Variants in KDM4C observed in about 807,000 individuals in gnomAD.
KDM4C encodes lysine-specific demethylase 4C.
A neutral mutation model predicts 129.3 loss-of-function variants in KDM4C; 81 were observed. The ratio of observed to expected loss-of-function variants is 0.63; its 90% CI spans 0.52 to 0.75. The LOEUF is 0.75. Ranked by LOEUF, KDM4C falls within the 30% of genes least tolerant of loss-of-function variation. The pLI is 0.00. For synonymous variants in KDM4C, 573 were observed against 456.1 expected, an observed-to-expected ratio of 1.26 and a Z score of -3.26; for missense variants, 1,457 against 1,304.0, an observed-to-expected ratio of 1.12 and a Z score of -1.81.
At chr9:6,966,811 A>G (rs1831058211) in intron 8 of KDM4C, among the ~76,000 whole-genome samples, 1 of 152,220 alleles carries the variant, frequency 6.6e-6, no homozygotes, top group African/African-American at 2.4e-5. Flanking sequence ...CTTAGACCTG[A>G]CAGAGAAAAT....
chr9:7,089,291 T>C (rs959716187), intron 17 of KDM4C, among the ~76,000 whole-genome samples: 1 of 152,158 alleles, frequency 6.6e-6, no homozygotes, highest in African/African-American at 2.4e-5. Flanking sequence ...TGTTCCTCCA[T>C]AGCACATGTA....
intron 18 of KDM4C, among the ~76,000 whole-genome samples, chr9:7,115,231 A>G (rs1838766723): frequency 6.6e-6 from 1 of 152,188 alleles, no homozygotes; most frequent in African/African-American, 2.4e-5. Flanking sequence ...TTTCGTAGAT[A>G]AGGTGTATTT....
intron 8 of KDM4C, among the ~76,000 whole-genome samples, chr9:6,965,547 C>T (rs960048799): frequency 6.6e-6 from 1 of 152,156 alleles, no homozygotes; most frequent in Non-Finnish European, 1.5e-5. Context: ...TGAGAAACCT[C>T]AAGACTCTGC....
At chr9:6,853,352 C>G (rs531711418) in intron 5 of KDM4C, among the ~76,000 whole-genome samples, 1 of 151,904 alleles carries the variant, frequency 6.6e-6, no homozygotes, top group Admixed American at 6.5e-5. Context: ...ATTAGCCGGT[C>G]ATAGTGGCTC....
chr9:6,758,196 C>T lies in KDM4C; in HGVS notation c.-25C>T, dbSNP rs1379426141. The T allele has an allele frequency of 3.0e-6, 3 of 985,834 alleles. No individual in the cohort carries two copies. The highest frequency in any genetic ancestry group is 6.1e-5 in the Admixed American group (1 of 16,280). 61.1% of individuals were successfully genotyped at this position (985,834 alleles called of 1,614,324 possible). A position where few individuals can be genotyped will look rare whatever the true frequency, so the allele number is the denominator to read the frequency against. ...CGAGTCGTGCTCTCGCCCCAACCCG[C>T]GCGCCAGGTAACCGCTTTTCCGGAG... On this transcript the variant is annotated 5_prime_UTR_variant, in exon 1 of 22. Coordinates refer to ENST00000381309, the MANE Select transcript of KDM4C (RefSeq NM_015061.6). This position sits in a 1 kb window ranked among gnomAD's most constrained non-coding sequence, Gnocchi z 4.6.
upstream of KDM4C, among the ~76,000 whole-genome samples, chr9:6,753,626 T>C (rs1429095621): frequency 6.6e-6 from 1 of 152,022 alleles, no homozygotes; most frequent in Non-Finnish European, 1.5e-5. Flanking sequence ...TTCTAGAAGC[T>C]AGAAAGTCCA....
intron 17 of KDM4C, among the ~76,000 whole-genome samples, chr9:7,098,206 T>C (rs1836674045): frequency 6.6e-6 from 1 of 152,256 alleles, no homozygotes; most frequent in Admixed American, 6.5e-5. Context: ...TTATTTTGAA[T>C]ACATGTAACC....
At chr9:7,086,426 C>T (rs903547522) in intron 17 of KDM4C, among the ~76,000 whole-genome samples, 3 of 152,162 alleles carry the variant, frequency 2.0e-5, no homozygotes, top group African/African-American at 4.8e-5. Context: ...ACACTTTATG[C>T]TGTGTTTCTC....
upstream of KDM4C, among the ~76,000 whole-genome samples, chr9:6,756,005 C>T (rs1818247689): frequency 6.6e-6 from 1 of 152,192 alleles, no homozygotes; most frequent in Admixed American, 6.6e-5. Flanking sequence ...AAAAAAAAGT[C>T]ATACTCTAAT....
intron 1 of KDM4C, among the ~76,000 whole-genome samples, chr9:6,777,937 C>G (rs1743594230): frequency 6.8e-6 from 1 of 147,328 alleles, no homozygotes; most frequent in South Asian, 2.1e-4. Context: ...TTTTTCTCCC[C>G]ATAAAGACAG....
chr9:7,097,352 C>G (rs1276416181), intron 17 of KDM4C, among the ~76,000 whole-genome samples: 4 of 152,190 alleles, frequency 2.6e-5, no homozygotes, highest in Non-Finnish European at 4.4e-5. Flanking sequence ...GAGAGAAACC[C>G]TGTTTTTGCT....
intron 19 of KDM4C, among the ~76,000 whole-genome samples, chr9:7,133,665 G>T (rs578258406): frequency 3.9e-5 from 6 of 152,178 alleles, no homozygotes; most frequent in African/African-American, 1.4e-4. Flanking sequence ...TGCAGCTGAG[G>T]TAGAAGACGC....
intron 5 of KDM4C, among the ~76,000 whole-genome samples, chr9:6,852,451 A>T (rs1374008741): frequency 2.6e-5 from 4 of 152,178 alleles, no homozygotes; most frequent in African/African-American, 9.6e-5. Flanking sequence ...AGTCATTCTG[A>T]TTCTGTGACT....
At chr9:6,875,191 G>A (rs1427080454) in intron 5 of KDM4C, among the ~76,000 whole-genome samples, 2 of 152,146 alleles carry the variant, frequency 1.3e-5, no homozygotes, top group East Asian at 3.8e-4. Context: ...TCATTTGAGA[G>A]TGATATAAGT....
At chr9:6,941,680 G>A (rs1825963111) in intron 8 of KDM4C, 1 of 151,090 alleles carries the variant, frequency 6.6e-6, no homozygotes, top group East Asian at 2.0e-4. Context: ...CCTCATGCTT[G>A]ACGTTGTGGC....
At chr9:6,811,058 C>G (rs914767193) in intron 3 of KDM4C, among the ~76,000 whole-genome samples, 1 of 152,144 alleles carries the variant, frequency 6.6e-6, no homozygotes, top group Non-Finnish European at 1.5e-5. Flanking sequence ...AACCAATGCT[C>G]TTACTTGTCA....
At chr9:7,052,458 G>A (rs1293491550) in intron 17 of KDM4C, among the ~76,000 whole-genome samples, 2 of 152,222 alleles carry the variant, frequency 1.3e-5, no homozygotes, top group Admixed American at 1.3e-4. Context: ...GGCTGGAGGA[G>A]TGCGATCAGA....
At chr9:6,958,316 G>A (rs996988039) in intron 8 of KDM4C, among the ~76,000 whole-genome samples, 13 of 152,050 alleles carry the variant, frequency 8.5e-5, no homozygotes, top group Admixed American at 6.5e-5. Context: ...CCGGTGCGGT[G>A]GCTCACGCTT....
At chr9:6,858,038 C>T (rs978323205) in intron 5 of KDM4C, among the ~76,000 whole-genome samples, 2 of 150,516 alleles carry the variant, frequency 1.3e-5, no homozygotes, top group African/African-American at 4.9e-5. Flanking sequence ...TCATTGTAGC[C>T]TCAAACTCCT....
Sources: gnomAD v4.1 joint callset for allele counts (sites outside exome capture counted in the v4.1 genomes callset) on GRCh38, gnomAD v4.1.1 for gene constraint, Gnocchi (gnomAD v3.1) non-coding constraint, MANE v1.5 for transcripts, NCBI Gene and HGNC (gene_info 2026-07-23, HGNC 2026-07-21) for gene names.